The following TULP4 variants were observed in gnomAD, a reference collection of about 807,000 sequenced individuals.
TULP4 encodes the protein TUB like protein 4.
A neutral mutation model predicts 129.0 loss-of-function variants in TULP4; 16 were observed. The ratio of observed to expected loss-of-function variants is 0.12; its 90% CI spans 0.08 to 0.19. TULP4 has a LOEUF of 0.19. TULP4 is among the 10% of genes least tolerant of loss of function. TULP4 has a pLI of 1.00. For missense variants in TULP4, 1,842 were observed against 2,059.1 expected, an observed-to-expected ratio of 0.89 and a Z score of 2.04; for synonymous variants, 998 against 854.0, an observed-to-expected ratio of 1.17 and a Z score of -2.94.
Position 158,506,799 on chromosome 6 carries a change from C to A in TULP4, c.*105C>A. 1 of 776,828 alleles carries A rather than the reference C, an allele frequency of 1.3e-6. No homozygotes were observed. 48.1% of individuals were successfully genotyped at this position (776,828 alleles called of 1,614,324 possible). The stretch of plus-strand genomic sequence containing the variant: ...GTCCGATGCCTGGGAGGACCAGAAG[C>A]CAACAGCAAAACTGGAAAAGCCCGG... On this transcript the variant is annotated 3_prime_UTR_variant, in exon 14 of 14. Coordinates refer to ENST00000367097, the MANE Select transcript of TULP4 (RefSeq NM_020245.5).
chr6:158,338,724 TG>T lies in TULP4; in HGVS notation c.252+24460del, dbSNP rs568343433. On this transcript the variant is annotated intron_variant, in intron 1 of 13. Transcript: ENST00000367097. The stretch of plus-strand genomic sequence containing the variant: ...GGCCCAGGGACCTAAATTACTACTT[TG>T]GGGTAGAGCCAGGACCAGAGAGGGA... Among the ~76,000 whole-genome samples, 23 of 152,266 alleles carry T rather than the reference TG, an allele frequency of 1.5e-4. No homozygotes were observed. In the South Asian group the frequency reaches 2.3e-3, roughly 15 times the overall value.
chr6:158,441,908 T>C (rs1778906824), intron 3 of TULP4, among the ~76,000 whole-genome samples: 1 of 152,164 alleles, frequency 6.6e-6, no homozygotes, highest in Non-Finnish European at 1.5e-5. Flanking sequence ...ATAGGGCCCA[T>C]CTCCCAGGCT....
intron 1 of TULP4, among the ~76,000 whole-genome samples, chr6:158,273,755 C>G (rs977199579): frequency 2.6e-5 from 4 of 152,188 alleles, no homozygotes; most frequent in Admixed American, 6.5e-5. Context: ...CTGGTCCTAA[C>G]AATAGTACCA....
At chr6:158,328,922 G>C (rs1053504449) in intron 1 of TULP4, among the ~76,000 whole-genome samples, 4 of 152,140 alleles carry the variant, frequency 2.6e-5, no homozygotes, top group Non-Finnish European at 4.4e-5. Flanking sequence ...ACTGGGCAGT[G>C]GGTATCGTAT....
chr6:158,400,852 A>G (rs1268462551), intron 1 of TULP4, among the ~76,000 whole-genome samples: 1 of 152,110 alleles, frequency 6.6e-6, no homozygotes, highest in Non-Finnish European at 1.5e-5. Flanking sequence ...TGCCTGAGGT[A>G]GGGAAACCAA....
intron 1 of TULP4, among the ~76,000 whole-genome samples, chr6:158,298,908 A>C (rs1779086263): frequency 1.3e-5 from 2 of 152,216 alleles, no homozygotes. Context: ...AAGAATTATC[A>C]TAATGCCAAT....
At chr6:158,342,944 T>G (rs1780213993) in intron 1 of TULP4, among the ~76,000 whole-genome samples, 1 of 111,282 alleles carries the variant, frequency 9.0e-6, no homozygotes, top group South Asian at 3.9e-4. Context: ...AGATTAAAAA[T>G]AAATGTGTGT....
At chr6:158,461,460 G>C in intron 5 of TULP4, 103 bp from the exon 6 acceptor site, 1 of 1,099,122 alleles carries the variant, frequency 9.1e-7, no homozygotes, top group Non-Finnish European at 1.3e-6. Context: ...TGTTGTATTT[G>C]CTCAGTGTCT....
chr6:158,263,718 T>C, intron 1 of TULP4, among the ~76,000 whole-genome samples: 1 of 152,122 alleles, frequency 6.6e-6, no homozygotes, highest in East Asian at 1.9e-4. Flanking sequence ...TTTGCACCAC[T>C]GCACTTCAGC....
intron 3 of TULP4, among the ~76,000 whole-genome samples, chr6:158,441,604 G>T (rs1422616004): frequency 6.6e-6 from 1 of 152,178 alleles, no homozygotes; most frequent in Non-Finnish European, 1.5e-5. Flanking sequence ...CCTTATATGT[G>T]TTAGGAGGGG....
At chr6:158,456,142 A>G (rs56320619) in intron 5 of TULP4, among the ~76,000 whole-genome samples, 2,237 of 152,314 alleles carry the variant, frequency 0.015, 24 homozygotes, top group Non-Finnish European at 0.02. Flanking sequence ...GGAACTGAAC[A>G]GGACTTGTAA....
chr6:158,256,787 T>G (rs548495796), intron 1 of TULP4, among the ~76,000 whole-genome samples: 1 of 152,314 alleles, frequency 6.6e-6, no homozygotes, highest in African/African-American at 2.4e-5. Flanking sequence ...GTTTATTAAT[T>G]AGTGGAGTTG....
chr6:158,306,134 A>G (rs1198392870), intron 1 of TULP4, among the ~76,000 whole-genome samples: 1 of 152,206 alleles, frequency 6.6e-6, no homozygotes, highest in Non-Finnish European at 1.5e-5. Flanking sequence ...TCTAGCATAT[A>G]TGGCGTTTTA....
At chr6:158,253,487 G>A (rs547897030) in intron 1 of TULP4, among the ~76,000 whole-genome samples, 2 of 151,830 alleles carry the variant, frequency 1.3e-5, no homozygotes, top group South Asian at 4.1e-4. Context: ...CATGTTGAGT[G>A]GCTTCATGTC....
At chr6:158,270,438 C>G (rs984372192) in intron 1 of TULP4, among the ~76,000 whole-genome samples, 1 of 152,144 alleles carries the variant, frequency 6.6e-6, no homozygotes, top group African/African-American at 2.4e-5. Flanking sequence ...CCCATCTTCT[C>G]TCACTGTGTA....
At chr6:158,299,848 A>G (rs1779103093) in intron 1 of TULP4, among the ~76,000 whole-genome samples, 1 of 152,214 alleles carries the variant, frequency 6.6e-6, no homozygotes, top group Non-Finnish European at 1.5e-5. Flanking sequence ...TGGTAAGACA[A>G]AGTGTAAGGG....
intron 4 of TULP4, among the ~76,000 whole-genome samples, chr6:158,450,310 G>C (rs1329441465): frequency 6.6e-6 from 1 of 152,236 alleles, no homozygotes; most frequent in Admixed American, 6.5e-5. Context: ...ATGTCGTCCT[G>C]TGAAGGGCTG....
chr6:158,466,149 A>G (rs896142574), intron 6 of TULP4, among the ~76,000 whole-genome samples: 2 of 152,198 alleles, frequency 1.3e-5, no homozygotes, highest in African/African-American at 4.8e-5. Flanking sequence ...CCTAAATTCC[A>G]GATGGGAGGG....
chr6:158,365,160 T>C (rs963070674), intron 1 of TULP4, among the ~76,000 whole-genome samples: 18 of 152,168 alleles, frequency 1.2e-4, no homozygotes, highest in Middle Eastern at 6.8e-3. Flanking sequence ...CCACTCCTTC[T>C]AGCTTTATTT....
Sources: allele counts gnomAD v4.1 joint callset (sites outside exome capture counted in the v4.1 genomes callset), GRCh38; gene constraint gnomAD v4.1.1; transcripts MANE v1.5; gene names NCBI Gene and HGNC (gene_info 2026-07-23, HGNC 2026-07-21).